Variants in GGNBP2 observed in about 807,000 individuals in gnomAD.
The protein encoded by GGNBP2 is gametogenetin-binding protein 2.
GGNBP2 carries 10 observed loss-of-function variants against 85.9 expected under a neutral mutation model. The observed-to-expected ratio is 0.12, with a 90% CI of 0.07 to 0.20. GGNBP2 has a LOEUF of 0.20. GGNBP2 is among the 10% of genes least tolerant of loss of function. The pLI, the probability that GGNBP2 is intolerant of heterozygous loss-of-function variation, is 1.00. For synonymous variants in GGNBP2, 287 were observed against 285.7 expected, an observed-to-expected ratio of 1.00 and a Z score of -0.05; for missense variants, 595 against 857.8, an observed-to-expected ratio of 0.69 and a Z score of 3.83.
At chr17:36,581,564 A>C (rs766109683) in intron 9 of GGNBP2, 26 bp downstream of exon 9, 21 of 1,536,646 alleles carry the variant, frequency 1.4e-5, no homozygotes, top group Non-Finnish European at 1.8e-5. Context: ...ATCAACTCTT[A>C]AGTGTGTATG....
chr17:36,553,103 A>C (rs1219431068), intron 2 of GGNBP2, among the ~76,000 whole-genome samples: 3 of 151,710 alleles, frequency 2.0e-5, no homozygotes, highest in Non-Finnish European at 4.4e-5. Context: ...GGAAGCAAGG[A>C]GCATTAACTC....
At chr17:36,559,460 A>T (rs1048143873) in intron 4 of GGNBP2, among the ~76,000 whole-genome samples, 21 of 152,132 alleles carry the variant, frequency 1.4e-4, no homozygotes, top group Admixed American at 6.6e-5. Flanking sequence ...TTAGAGATGT[A>T]AATTTGTCTC....
chr17:36,558,890 GA>G lies in GGNBP2; in HGVS notation c.428+1559del, dbSNP rs534165188. Among the ~76,000 whole-genome samples, 24 of 152,168 alleles carry G rather than the reference GA, an allele frequency of 1.6e-4. 1 individual carries two copies. The South Asian group carries it at 4.8e-3, about 30-fold the overall frequency. ...AATGAATGACGGCTTTGGAGGTAGT[GA>G]AAAATGGTTATAAAGGATCCTGGAT... On this transcript the variant is annotated intron_variant, in intron 4 of 13. Coordinates refer to ENST00000613102, the MANE Select transcript of GGNBP2 (RefSeq NM_024835.5).
At chr17:36,575,648 A>ATATATATATATATATAT (rs374366757) in intron 6 of GGNBP2, among the ~76,000 whole-genome samples, 6 of 54,914 alleles carry the variant, frequency 1.1e-4, no homozygotes, top group African/African-American at 6.5e-4. Context: ...ATATATATAT[A>ATATATATATATATATAT]TTTTTTTTTT....
intron 2 of GGNBP2, 100 bp from the exon 3 acceptor site, chr17:36,554,720 T>A (rs2074345161): frequency 1.2e-6 from 1 of 817,124 alleles, no homozygotes; most frequent in Admixed American, 1.9e-5. Context: ...TAGGGATGGG[T>A]GCAAATCTGG....
intron 9 of GGNBP2, among the ~76,000 whole-genome samples, chr17:36,584,392 C>T (rs549350456): frequency 5.3e-5 from 8 of 152,118 alleles, no homozygotes; most frequent in Non-Finnish European, 8.8e-5. Flanking sequence ...CAGTGGAGTG[C>T]GGTGGTGTGA....
intron 3 of GGNBP2, among the ~76,000 whole-genome samples, chr17:36,556,751 C>CTTTTTTT (rs10544073): frequency 9.5e-5 from 5 of 52,852 alleles, no homozygotes; most frequent in Non-Finnish European, 1.1e-4. Flanking sequence ...CTGTATTGTG[C>CTTTTTTT]TTTTTTTTTT....
At chr17:36,575,826 T>C (rs2074575736) in intron 6 of GGNBP2, among the ~76,000 whole-genome samples, 1 of 150,268 alleles carries the variant, frequency 6.7e-6, no homozygotes, top group African/African-American at 2.4e-5. Context: ...TTTGTATTTT[T>C]AGTAGAGACG....
chr17:36,580,782 G>A (rs920003616), intron 8 of GGNBP2, among the ~76,000 whole-genome samples: 2 of 151,944 alleles, frequency 1.3e-5, no homozygotes, highest in African/African-American at 4.8e-5. Context: ...CAGCCAGTGT[G>A]GTGGCGCATG....
Position 36,589,447 on chromosome 17 carries a change from C to T in GGNBP2, c.*36C>T, listed in dbSNP as rs997863202. ...TAGCTCTGTCTTTCAATGAAACACT[C>T]ACGATGACTACTGCGCCTTCTCTTT... On this transcript the variant is annotated 3_prime_UTR_variant, in exon 14 of 14. Coordinates refer to ENST00000613102, the MANE Select transcript of GGNBP2 (RefSeq NM_024835.5). 10 of 1,489,208 alleles carry T rather than the reference C, an allele frequency of 6.7e-6. No individual in the cohort carries two copies. Among genetic ancestry groups the T allele is most frequent in the Non-Finnish European group, 9.3e-6 (10 of 1,070,940 alleles). 92.2% of individuals were successfully genotyped at this position (1,489,208 alleles called of 1,614,324 possible).
chr17:36,586,586 C>G, intron 12 of GGNBP2: 1 of 258,026 alleles, frequency 3.9e-6, no homozygotes, highest in South Asian at 5.8e-5. Context: ...CCAGCTGCTA[C>G]TATTACTTAG....
chr17:36,583,041 T>G (rs2074666464), intron 9 of GGNBP2, among the ~76,000 whole-genome samples: 2 of 152,312 alleles, frequency 1.3e-5, no homozygotes, highest in Non-Finnish European at 2.9e-5. Flanking sequence ...ATGTTCATCT[T>G]AAAAGGAATA....
intron 7 of GGNBP2, chr17:36,578,445 TA>T: frequency 2.5e-6 from 1 of 403,128 alleles, no homozygotes; most frequent in Non-Finnish European, 4.4e-6. Context: ...CTTTCATTGT[TA>T]CAGACTATCA....
chr17:36,545,344 G>GGGAAGCCCCCGGC (rs2074238884), intron 1 of GGNBP2, among the ~76,000 whole-genome samples: 1 of 149,998 alleles, frequency 6.7e-6, no homozygotes, highest in Admixed American at 6.6e-5. Flanking sequence ...GCAGCGGGCG[G>GGGAAGCCCCCGGC]GGAAGCCCCC....
chr17:36,556,751 CTTTTTTTTTT>C lies in GGNBP2; in HGVS notation c.175-312_175-303del, dbSNP rs10544073. 1.2e-3 allele frequency among the ~76,000 whole-genome samples: 61 copies of C among 52,820 alleles called. 1 individual carries two copies. The highest frequency in any genetic ancestry group is 1.8e-3 in the Non-Finnish European group (49 of 27,018). The allele number at this position is 52,820 out of a possible 152,430, so 34.7% of individuals were successfully genotyped here. ...AAAAAAAAGGTACAGCTGTATTGTG[CTTTTTTTTTT>C]TTTTTTTTTTTTTTTTTTTGTGAGA... On this transcript the variant is annotated intron_variant, in intron 3 of 13. Transcript: ENST00000613102.
Position 36,557,284 on chromosome 17 carries a change from A to C in GGNBP2, c.376A>C (p.Arg126=), listed in dbSNP as rs563852940. 3 of 1,613,938 alleles carry C rather than the reference A, an allele frequency of 1.9e-6. No homozygotes were observed. Among genetic ancestry groups the C allele is most frequent in the South Asian group, 1.1e-5 (1 of 91,084 alleles). ...VGPKGVLSVT[R]SCMTDAKKLY... ...GCCCAAGGGAGTCCTGTCTGTAACT[A>C]GAAGCTGCATGACTGATGCAAAGAA... The change falls in exon 4 of 14, where the codon AGA becomes CGA. Residue 126 remains arginine, a synonymous_variant. Transcript: ENST00000613102.
intron 6 of GGNBP2, chr17:36,576,848 T>C (rs895230982): frequency 5.9e-5 from 9 of 151,926 alleles, no homozygotes; most frequent in African/African-American, 1.7e-4. Context: ...TGGCTGTGAA[T>C]GGCAGTGTTC....
At chr17:36,555,010 A>G (rs2074348704) in intron 3 of GGNBP2, 110 bp downstream of exon 3, 1 of 649,544 alleles carries the variant, frequency 1.5e-6, no homozygotes, top group Admixed American at 2.6e-5. Flanking sequence ...TTAATATTGC[A>G]CTGGAATTGC....
At chr17:36,546,017 C>T in intron 2 of GGNBP2, 200 bp downstream of exon 2, 2 of 537,106 alleles carry the variant, frequency 3.7e-6, no homozygotes, top group Non-Finnish European at 6.7e-6. Flanking sequence ...GCCCAGAGCT[C>T]CGTACGCACT....
Sources: gnomAD v4.1 joint callset for allele counts (sites outside exome capture counted in the v4.1 genomes callset) on GRCh38, gnomAD v4.1.1 for gene constraint, MANE v1.5 for transcripts, NCBI Gene and HGNC (gene_info 2026-07-23, HGNC 2026-07-21) for gene names.